The following MIR2052HG variants were observed in gnomAD, a reference collection of about 807,000 sequenced individuals.
The protein encoded by MIR2052HG is MIR2052 host gene.
At chr8:74,647,362 C>T (rs891293769) in intron 2 of MIR2052HG, among the ~76,000 whole-genome samples, 2 of 152,116 alleles carry the variant, frequency 1.3e-5, no homozygotes, top group African/African-American at 4.8e-5. Flanking sequence ...CGAAATGGCT[C>T]TTCTTACAAG....
intron 4 of MIR2052HG, among the ~76,000 whole-genome samples, chr8:74,750,259 A>T (rs1487929957): frequency 1.3e-5 from 2 of 152,218 alleles, no homozygotes; most frequent in African/African-American, 4.8e-5. Flanking sequence ...TAAGTGAAAA[A>T]TCAAGACCAT....
chr8:74,646,813 A>C (rs1808693500), intron 2 of MIR2052HG, among the ~76,000 whole-genome samples: 1 of 152,150 alleles, frequency 6.6e-6, no homozygotes, highest in Non-Finnish European at 1.5e-5. Flanking sequence ...CTGAATCCCC[A>C]GCTCCCCAGG....
intron 2 of MIR2052HG, among the ~76,000 whole-genome samples, chr8:74,664,687 T>G (rs1233970269): frequency 2.0e-5 from 3 of 152,040 alleles, no homozygotes; most frequent in Non-Finnish European, 2.9e-5. Context: ...CCAGCTAATA[T>G]TTTATATTTT....
chr8:74,605,715 T>C (rs1426840112), intron 1 of MIR2052HG, among the ~76,000 whole-genome samples: 1 of 152,200 alleles, frequency 6.6e-6, no homozygotes, highest in Non-Finnish European at 1.5e-5. Context: ...AAGAACATTT[T>C]TGATAGTCAA....
chr8:74,699,703 C>T (rs545923993), intron 2 of MIR2052HG, among the ~76,000 whole-genome samples: 1 of 151,852 alleles, frequency 6.6e-6, no homozygotes, highest in African/African-American at 2.4e-5. Flanking sequence ...GTTCGGGTCA[C>T]GGGTGCATGA....
intron 1 of MIR2052HG, among the ~76,000 whole-genome samples, chr8:74,611,420 A>T (rs2128731363): frequency 6.6e-6 from 1 of 152,308 alleles, no homozygotes; most frequent in Middle Eastern, 3.4e-3. Flanking sequence ...ATTTTTAAAA[A>T]AATTACATAA....
At chr8:74,749,103 G>C (rs1049142663) in intron 4 of MIR2052HG, among the ~76,000 whole-genome samples, 3 of 152,118 alleles carry the variant, frequency 2.0e-5, no homozygotes, top group Non-Finnish European at 4.4e-5. Flanking sequence ...ATCTGCAAAA[G>C]AGAAAGGAAA....
chr8:74,627,478 A>C (rs1808451793), intron 2 of MIR2052HG, among the ~76,000 whole-genome samples: 1 of 152,242 alleles, frequency 6.6e-6, no homozygotes, highest in Non-Finnish European at 1.5e-5. Flanking sequence ...GTAGCATGAA[A>C]TATACTTAAT....
intron 2 of MIR2052HG, among the ~76,000 whole-genome samples, chr8:74,620,929 T>G (rs1046386674): frequency 6.6e-6 from 1 of 152,358 alleles, no homozygotes. Context: ...TATGCTCTGC[T>G]TTCTCTTGAA....
At chr8:74,686,570 C>A (rs1452362755) in intron 2 of MIR2052HG, among the ~76,000 whole-genome samples, 2 of 152,072 alleles carry the variant, frequency 1.3e-5, no homozygotes, top group African/African-American at 4.8e-5. Flanking sequence ...TGAATGAGAT[C>A]TGCTGCTTAC....
chr8:74,616,144 G>T (rs1808278790), intron 2 of MIR2052HG, among the ~76,000 whole-genome samples: 1 of 151,904 alleles, frequency 6.6e-6, no homozygotes, highest in Admixed American at 6.6e-5. Context: ...GGGATGGCTG[G>T]GTCAAATGGT....
In MIR2052HG at chr8:74,703,174, C is replaced by T. The variant is rs146887122; in HGVS notation, n.295-432C>T. Among the ~76,000 whole-genome samples the T allele has an allele frequency of 3.3e-3, 506 of 152,054 alleles. 3 individuals are homozygous for T. The highest frequency in any genetic ancestry group is 0.012 in the African/African-American group (480 of 41,500). ...CCTTGCCCTTGGGGATTGTTGGTAG[C>T]GTAAGAGTACATAGGACTGATGGTG... On this transcript the variant is annotated intron_variant and non_coding_transcript_variant, in intron 3 of 6. Coordinates refer to ENST00000523442, the Ensembl canonical transcript of MIR2052HG.
intron 2 of MIR2052HG, among the ~76,000 whole-genome samples, chr8:74,699,117 G>A (rs1004404390): frequency 1.3e-5 from 2 of 152,008 alleles, no homozygotes; most frequent in African/African-American, 2.4e-5. Context: ...AATAGATGTT[G>A]GCATGGATGT....
At chr8:74,608,614 T>C (rs1808147334) in intron 1 of MIR2052HG, among the ~76,000 whole-genome samples, 1 of 152,184 alleles carries the variant, frequency 6.6e-6, no homozygotes, top group African/African-American at 2.4e-5. Context: ...TTCAATCAAT[T>C]AAATTCATAC....
intron 2 of MIR2052HG, among the ~76,000 whole-genome samples, chr8:74,646,137 A>T (rs117323582): frequency 1.4e-5 from 2 of 139,566 alleles, no homozygotes; most frequent in East Asian, 3.9e-4. Context: ...TAGTGCCTAA[A>T]ATACAGTGTG....
At chr8:74,636,993 A>G (rs1184880136) in intron 2 of MIR2052HG, among the ~76,000 whole-genome samples, 2 of 152,148 alleles carry the variant, frequency 1.3e-5, no homozygotes, top group Admixed American at 6.6e-5. Context: ...ATTATCTTTA[A>G]TAAAGAACTC....
intron 4 of MIR2052HG, among the ~76,000 whole-genome samples, chr8:74,721,377 G>A (rs1390196147): frequency 6.6e-6 from 1 of 152,170 alleles, no homozygotes; most frequent in East Asian, 1.9e-4. Context: ...GCTCAAATAA[G>A]AATGATTTAT....
intron 4 of MIR2052HG, among the ~76,000 whole-genome samples, chr8:74,725,017 T>C (rs1212128411): frequency 6.6e-6 from 1 of 152,172 alleles, no homozygotes. Flanking sequence ...TGAGTTCTTG[T>C]GCAGATAACT....
chr8:74,721,363 A>G lies in MIR2052HG; in HGVS notation n.371+17681A>G, dbSNP rs557504155. ...GCATGACAAATGACTCCAAGACTTAATGTGCTCAAATAAGAATGATTTATT... is the reference window on the plus strand; with the variant it reads ...GCATGACAAATGACTCCAAGACTTAGTGTGCTCAAATAAGAATGATTTATT... On this transcript the variant is annotated intron_variant and non_coding_transcript_variant, in intron 4 of 6. Coordinates refer to ENST00000523442, the Ensembl canonical transcript of MIR2052HG. Among the ~76,000 whole-genome samples the G allele has an allele frequency of 1.4e-4, 22 of 152,328 alleles. 1 individual carries two copies. In the South Asian group the frequency reaches 4.3e-3, roughly 30 times the overall value.
Sources: allele counts gnomAD v4.1 joint callset (sites outside exome capture counted in the v4.1 genomes callset), GRCh38; gene constraint gnomAD v4.1.1; transcripts MANE v1.5; gene names NCBI Gene and HGNC (gene_info 2026-07-23, HGNC 2026-07-21).